Variants in PDZRN3 observed in about 807,000 individuals in gnomAD.
The protein encoded by PDZRN3 is PDZ domain containing ring finger 3, also known as E3 ubiquitin-protein ligase PDZRN3.
PDZRN3 carries 38 observed loss-of-function variants against 85.7 expected under a neutral mutation model. The observed-to-expected ratio is 0.44, with a 90% CI of 0.34 to 0.58. The LOEUF (loss-of-function observed/expected upper bound fraction) is 0.58, where lower values mean the gene tolerates loss of function less well. Among genes scored for constraint, PDZRN3 ranks in the 20% least tolerant of loss-of-function variants. The pLI is 0.01. For missense variants in PDZRN3, 1,629 were observed against 1,506.4 expected, an observed-to-expected ratio of 1.08 and a Z score of -1.35; for synonymous variants, 759 against 638.0, an observed-to-expected ratio of 1.19 and a Z score of -2.86.
intron 3 of PDZRN3, among the ~76,000 whole-genome samples, chr3:73,584,145 A>G (rs1702239658): frequency 6.6e-6 from 1 of 150,550 alleles, no homozygotes; most frequent in Non-Finnish European, 1.5e-5. Flanking sequence ...AAAAAAAAAG[A>G]GGAAAAAAAA....
intron 3 of PDZRN3, among the ~76,000 whole-genome samples, chr3:73,563,178 C>T (rs1280686427): frequency 6.7e-6 from 1 of 149,758 alleles, no homozygotes; most frequent in African/African-American, 2.5e-5. Flanking sequence ...GCCACCACGC[C>T]CGGCTATTTT....
chr3:73,501,124 T>C (rs1324287302), intron 3 of PDZRN3, among the ~76,000 whole-genome samples: 1 of 152,202 alleles, frequency 6.6e-6, no homozygotes, highest in East Asian at 1.9e-4. Context: ...TATAAACTCT[T>C]GCTAACATTT....
intron 3 of PDZRN3, among the ~76,000 whole-genome samples, chr3:73,404,849 C>A (rs755071186): frequency 1.1e-4 from 16 of 152,226 alleles, no homozygotes; most frequent in Non-Finnish European, 1.5e-4. Context: ...TCTTAATAAT[C>A]CTTTCGCTCT....
intron 3 of PDZRN3, among the ~76,000 whole-genome samples, chr3:73,423,640 T>A (rs1185526238): frequency 6.6e-6 from 1 of 152,256 alleles, no homozygotes; most frequent in African/African-American, 2.4e-5. Context: ...CAACAAATGT[T>A]ACAGTTTGAG....
chr3:73,449,869 G>A (rs1168749020), intron 3 of PDZRN3, among the ~76,000 whole-genome samples: 2 of 152,128 alleles, frequency 1.3e-5, no homozygotes, highest in Admixed American at 6.6e-5. Context: ...CTAACTGCAT[G>A]CTTTACGTAG....
At chr3:73,619,466 C>G (rs4677317) in intron 1 of PDZRN3, among the ~76,000 whole-genome samples, 45,625 of 152,116 alleles carry the variant, frequency 0.3, 9,545 homozygotes, top group African/African-American at 0.6. Flanking sequence ...AGTGATGCTT[C>G]AGCTGAGATG....
intron 3 of PDZRN3, among the ~76,000 whole-genome samples, chr3:73,470,650 G>T (rs567347988): frequency 2.6e-4 from 39 of 152,302 alleles, no homozygotes; most frequent in Admixed American, 1.8e-3. Flanking sequence ...TCCTTGACAA[G>T]TCCTTCTGGA....
chr3:73,502,852 T>C (rs755307865), intron 3 of PDZRN3, among the ~76,000 whole-genome samples: 5 of 152,266 alleles, frequency 3.3e-5, no homozygotes, highest in Non-Finnish European at 7.4e-5. Context: ...AAACGAATGA[T>C]CAAGACGTGG....
intron 3 of PDZRN3, among the ~76,000 whole-genome samples, chr3:73,565,117 ATTTTTTTT>A (rs202184460): frequency 6.5e-5 from 9 of 139,020 alleles, no homozygotes; most frequent in African/African-American, 2.0e-4. Flanking sequence ...ATATCCACCA[ATTTTTTTT>A]TTTTTTTTTT....
rs762854016 is a variant in PDZRN3 at position 73,624,443 on chromosome 3, G to A, written c.383C>T (p.Ala128Val). 5.2e-6 allele frequency: 7 copies of A among 1,334,352 alleles called. No individual in the cohort carries two copies. The highest frequency in any genetic ancestry group is 4.1e-5 in the Admixed American group (1 of 24,266). 82.7% of individuals were successfully genotyped at this position (1,334,352 alleles called of 1,614,324 possible). The change falls in exon 1 of 10, where the codon GCG (alanine) becomes GTG (valine). Residue 128 changes from alanine (A) to valine (V), a missense_variant. Transcript: ENST00000263666. Reference protein sequence around the residue: ...GQVLLRRDVEAHMRDACDARP... With the variant: ...GQVLLRRDVEVHMRDACDARP... ...CGCGTCGCAGGCGTCGCGCATGTGC[G>A]CCTCCACGTCGCGCCGCAGCAGCAC...
chr3:73,431,799 C>T (rs1233400477), intron 3 of PDZRN3, among the ~76,000 whole-genome samples: 6 of 152,174 alleles, frequency 3.9e-5, no homozygotes, highest in Admixed American at 3.3e-4. Context: ...CATAAATTCA[C>T]CTAGTAAAAA....
intron 3 of PDZRN3, among the ~76,000 whole-genome samples, chr3:73,434,650 TA>T (rs777782228): frequency 3.3e-5 from 5 of 152,180 alleles, no homozygotes; most frequent in Non-Finnish European, 7.3e-5. Flanking sequence ...CTCAGCCATA[TA>T]GATGCTGCAG....
intron 3 of PDZRN3, among the ~76,000 whole-genome samples, chr3:73,477,225 G>A (rs1703475499): frequency 6.6e-6 from 1 of 152,156 alleles, no homozygotes; most frequent in African/African-American, 2.4e-5. Context: ...CTAATTAAAT[G>A]TTAGCTATAA....
At chr3:73,415,336 G>T (rs1702054430) in intron 3 of PDZRN3, among the ~76,000 whole-genome samples, 1 of 152,208 alleles carries the variant, frequency 6.6e-6, no homozygotes, top group Non-Finnish European at 1.5e-5. Context: ...ATGGGCTGCT[G>T]GTGCACGTGA....
At chr3:73,569,639 G>T in intron 3 of PDZRN3, 4 of 910,790 alleles carry the variant, frequency 4.4e-6, no homozygotes, top group Non-Finnish European at 3.9e-6. Flanking sequence ...TCTTCTCCAG[G>T]CAGGACCTGA....
intron 3 of PDZRN3, among the ~76,000 whole-genome samples, chr3:73,573,009 G>A (rs1000094196): frequency 3.3e-5 from 5 of 152,142 alleles, no homozygotes; most frequent in Non-Finnish European, 5.9e-5. Flanking sequence ...ACAGTGTGCC[G>A]GAATTAAGGC....
In PDZRN3 at chr3:73,396,069, A is replaced by G. The variant is rs185758821; in HGVS notation, c.1254+4853T>C. On this transcript the variant is annotated intron_variant, in intron 5 of 9. Coordinates refer to ENST00000263666, the MANE Select transcript of PDZRN3 (RefSeq NM_015009.3). ...GAAACCCTGTCTCTACTAAAAATAC[A>G]AAAATTAGCCAGGTATGGTGGCACA... Among the ~76,000 whole-genome samples, 4 of 152,254 alleles carry G rather than the reference A, an allele frequency of 2.6e-5. No individual in the cohort carries two copies. The East Asian group carries it at 7.7e-4, about 29-fold the overall frequency.
intron 3 of PDZRN3, among the ~76,000 whole-genome samples, chr3:73,467,863 T>C (rs1436834654): frequency 6.6e-6 from 1 of 152,224 alleles, no homozygotes; most frequent in African/African-American, 2.4e-5. Context: ...GGACAAGTAC[T>C]ATATAATTCC....
intron 3 of PDZRN3, among the ~76,000 whole-genome samples, chr3:73,515,373 T>C (rs1704239387): frequency 6.6e-6 from 1 of 152,104 alleles, no homozygotes; most frequent in Admixed American, 6.6e-5. Flanking sequence ...AGATGGGGTT[T>C]CACCATGTTA....
Sources: gnomAD v4.1 joint callset for allele counts (sites outside exome capture counted in the v4.1 genomes callset) on GRCh38, gnomAD v4.1.1 for gene constraint, MANE v1.5 for transcripts, NCBI Gene and HGNC (gene_info 2026-07-23, HGNC 2026-07-21) for gene names.